The following CTNNA3 variants were observed in gnomAD, a reference collection of about 807,000 sequenced individuals.
CTNNA3 encodes the protein catenin alpha-3.
Under a neutral mutation model 95.7 loss-of-function variants are expected in CTNNA3, and 76 were observed. That is an observed-to-expected ratio of 0.79 (90% CI 0.66 to 0.96). The LOEUF (loss-of-function observed/expected upper bound fraction) is 0.96. CTNNA3 is among the 40% of genes least tolerant of loss of function. The pLI is 0.00. For missense variants in CTNNA3, 1,191 were observed against 1,089.8 expected (o/e 1.09, Z -1.31); for synonymous variants, 431 against 374.4 (o/e 1.15, Z -1.74).
At chr10:67,591,521 T>G (rs1404653402) in intron 3 of CTNNA3, among the ~76,000 whole-genome samples, 3 of 152,108 alleles carry the variant, frequency 2.0e-5, no homozygotes, top group Non-Finnish European at 4.4e-5. Flanking sequence ...TAAGTGGAAA[T>G]TCTTGAACCA....
intron 7 of CTNNA3, among the ~76,000 whole-genome samples, chr10:67,042,928 C>T (rs1348112307): frequency 3.9e-5 from 6 of 151,944 alleles, no homozygotes; most frequent in Non-Finnish European, 2.9e-5. Context: ...TATATTCGAA[C>T]GCTATAAAAG....
intron 9 of CTNNA3, among the ~76,000 whole-genome samples, chr10:66,680,211 T>C (rs916046574): frequency 6.6e-6 from 1 of 151,836 alleles, no homozygotes; most frequent in African/African-American, 2.4e-5. Context: ...TTGTTTGTTT[T>C]ACTAGAGATG....
At chr10:66,974,169 G>C (rs555856226) in intron 7 of CTNNA3, among the ~76,000 whole-genome samples, 1 of 152,070 alleles carries the variant, frequency 6.6e-6, no homozygotes, top group Non-Finnish European at 1.5e-5. Context: ...TTTCGAGCTT[G>C]ATACGAATGA....
At chr10:67,756,798 C>G (rs539046431) in intron 1 of CTNNA3, among the ~76,000 whole-genome samples, 1 of 152,134 alleles carries the variant, frequency 6.6e-6, no homozygotes, top group African/African-American at 2.4e-5. Context: ...GTAATGGAAA[C>G]CACTGAATCA....
chr10:67,475,165 C>T (rs991737388), intron 5 of CTNNA3, among the ~76,000 whole-genome samples: 2 of 152,278 alleles, frequency 1.3e-5, no homozygotes, highest in South Asian at 4.1e-4. Flanking sequence ...AGAAGCCACA[C>T]ACAAACAGCC....
chr10:67,702,635 A>G (rs1260353349), intron 1 of CTNNA3, among the ~76,000 whole-genome samples: 3 of 152,368 alleles, frequency 2.0e-5, no homozygotes. Context: ...CAGTGTGTAG[A>G]GGGAAATTTA....
chr10:67,253,593 G>A (rs1166421818), intron 5 of CTNNA3, among the ~76,000 whole-genome samples: 1 of 152,100 alleles, frequency 6.6e-6, no homozygotes, highest in Non-Finnish European at 1.5e-5. Flanking sequence ...CAAGTCCTGG[G>A]AATGGCATAA....
chr10:66,938,102 A>T (rs865990847), intron 7 of CTNNA3, among the ~76,000 whole-genome samples: 1 of 152,204 alleles, frequency 6.6e-6, no homozygotes, highest in Non-Finnish European at 1.5e-5. Context: ...ATCTACAGTA[A>T]ACATTTCAAC....
At position 66,026,391 on chromosome 10, in the gene CTNNA3, T is replaced by A. The variant is rs570234055; in HGVS notation, c.2160-37594A>T. Among the ~76,000 whole-genome samples, 60 of 152,320 alleles carry A rather than the reference T, an allele frequency of 3.9e-4. 1 individual carries two copies. Among genetic ancestry groups the A allele is most frequent in the African/African-American group, 1.3e-3 (56 of 41,592 alleles). On this transcript the variant is annotated intron_variant, in intron 15 of 17. Transcript: ENST00000433211. Reference sequence around the variant, plus strand: ...CATCACTCCTAAAGTTTTTATCCCTTTCTTCCGGTTTAGTCTCGATTGTTC... The same window carrying A: ...CATCACTCCTAAAGTTTTTATCCCTATCTTCCGGTTTAGTCTCGATTGTTC...
chr10:66,829,889 G>A (rs965433193), intron 7 of CTNNA3, among the ~76,000 whole-genome samples: 3 of 45,862 alleles, frequency 6.5e-5, no homozygotes, highest in South Asian at 6.7e-4. Flanking sequence ...TTGTTGAGAC[G>A]GAGTCTAGCT....
chr10:67,442,219 C>T (rs1482391575), intron 5 of CTNNA3, among the ~76,000 whole-genome samples: 1 of 151,396 alleles, frequency 6.6e-6, no homozygotes, highest in Non-Finnish European at 1.5e-5. Context: ...AAAAAACAGA[C>T]AACAAATACA....
At chr10:66,642,097 G>A (rs767755946) in intron 9 of CTNNA3, among the ~76,000 whole-genome samples, 7 of 152,040 alleles carry the variant, frequency 4.6e-5, no homozygotes, top group Admixed American at 1.3e-4. Flanking sequence ...AACAAAGGTC[G>A]AGAAATTAGC....
chr10:67,261,315 T>A (rs1237276066), intron 5 of CTNNA3, among the ~76,000 whole-genome samples: 1 of 152,106 alleles, frequency 6.6e-6, no homozygotes, highest in African/African-American at 2.4e-5. Flanking sequence ...ACAGAAGTGC[T>A]CAGCAAACCA....
At chr10:67,640,986 A>G (rs1284972649) in intron 2 of CTNNA3, among the ~76,000 whole-genome samples, 1 of 152,190 alleles carries the variant, frequency 6.6e-6, no homozygotes, top group Non-Finnish European at 1.5e-5. Flanking sequence ...AATGGCAACA[A>G]AAGCCAAAAT....
chr10:67,262,613 C>T (rs868504223), intron 5 of CTNNA3, among the ~76,000 whole-genome samples: 5 of 152,046 alleles, frequency 3.3e-5, no homozygotes, highest in African/African-American at 9.7e-5. Context: ...AAACCGAAAC[C>T]GCTTTAAACA....
intron 13 of CTNNA3, among the ~76,000 whole-genome samples, chr10:66,151,330 C>G (rs1224547228): frequency 1.3e-5 from 2 of 151,848 alleles, no homozygotes; most frequent in African/African-American, 2.4e-5. Flanking sequence ...TCTGACATAG[C>G]TTTCAGAGAC....
chr10:67,341,983 T>G (rs1003412068), intron 5 of CTNNA3, among the ~76,000 whole-genome samples: 11 of 143,830 alleles, frequency 7.6e-5, no homozygotes, highest in African/African-American at 2.8e-4. Context: ...TTTTGCCATT[T>G]ATGTGTCTTT....
intron 5 of CTNNA3, among the ~76,000 whole-genome samples, chr10:67,395,133 A>C (rs1462843867): frequency 2.0e-5 from 3 of 152,168 alleles, no homozygotes; most frequent in Non-Finnish European, 4.4e-5. Flanking sequence ...CTACACATCT[A>C]ATCAACTCAT....
chr10:67,679,786 A>C (rs963352959), intron 1 of CTNNA3, among the ~76,000 whole-genome samples: 4 of 152,228 alleles, frequency 2.6e-5, no homozygotes, highest in Non-Finnish European at 2.9e-5. Flanking sequence ...CTGTTGGTCA[A>C]AGTGAATATT....
Sources: allele counts gnomAD v4.1 joint callset (sites outside exome capture counted in the v4.1 genomes callset), GRCh38; gene constraint gnomAD v4.1.1; transcripts MANE v1.5; gene names NCBI Gene and HGNC (gene_info 2026-07-23, HGNC 2026-07-21).